Variants in STON1 observed in about 807,000 individuals in gnomAD.
STON1 encodes the protein stonin-1.
STON1 carries 79 observed loss-of-function variants against 60.9 expected under a neutral mutation model. The ratio of observed to expected loss-of-function variants is 1.30; its 90% CI spans 1.08 to 1.56. The LOEUF is 1.56. Ranked by LOEUF, STON1 falls within the 40% of genes most tolerant of loss-of-function variation. The probability of loss-of-function intolerance (pLI) is 0.00; values close to 1 mark genes in which losing one functional copy is unlikely to be tolerated. For missense variants in STON1, 1,166 were observed against 858.9 expected (o/e 1.36, Z -4.47); for synonymous variants, 363 against 306.9 (o/e 1.18, Z -1.91).
intron 2 of STON1, among the ~76,000 whole-genome samples, chr2:48,586,522 G>A (rs895635603): frequency 6.6e-6 from 1 of 152,190 alleles, no homozygotes. Flanking sequence ...GGAGGGCTTC[G>A]CTGAAGAGCT....
intron 1 of STON1, among the ~76,000 whole-genome samples, chr2:48,539,724 C>T (rs984665737): frequency 6.6e-6 from 1 of 152,100 alleles, no homozygotes; most frequent in East Asian, 1.9e-4. Flanking sequence ...CAATGGGCCT[C>T]AGCTTTCTAA....
chr2:48,586,541 G>C (rs1014514834), intron 2 of STON1, among the ~76,000 whole-genome samples: 1 of 152,186 alleles, frequency 6.6e-6, no homozygotes, highest in African/African-American at 2.4e-5. Context: ...CTGATGGCTG[G>C]GAGAGTCAAT....
At chr2:48,573,254 T>G (rs1558619703) in intron 1 of STON1, among the ~76,000 whole-genome samples, 1 of 152,284 alleles carries the variant, frequency 6.6e-6, no homozygotes, top group East Asian at 1.9e-4. Flanking sequence ...TCCCAGCTAC[T>G]TGGGAGGCTG....
intron 1 of STON1, among the ~76,000 whole-genome samples, chr2:48,554,502 C>T (rs1381716691): frequency 1.3e-5 from 2 of 152,154 alleles, no homozygotes; most frequent in African/African-American, 4.8e-5. Context: ...GGATTACAGG[C>T]GTGAGCCATT....
At chr2:48,535,851 C>T (rs559898510) in intron 1 of STON1, among the ~76,000 whole-genome samples, 1 of 152,280 alleles carries the variant, frequency 6.6e-6, no homozygotes, top group East Asian at 1.9e-4. Flanking sequence ...CTTTGGGAGG[C>T]TGAGGCGGGC....
rs756036908 is a variant in STON1 at position 48,581,425 on chromosome 2, C to T, written c.792C>T (p.Pro264=). The change falls in exon 2 of 4, where the codon CCC becomes CCT. Residue 264 remains proline, a synonymous_variant. Coordinates refer to ENST00000404752, the MANE Select transcript of STON1 (RefSeq NM_006873.4). ...CAEENASSFV[P]HTLFRSQPKS... ...AAGAAAATGCCTCTTCCTTTGTCCC[C>T]CACACACTCTTCAGGAGTCAGCCAA... The T allele has an allele frequency of 6.2e-7, 1 of 1,613,668 alleles. No individual in the cohort carries two copies. Among genetic ancestry groups the T allele is most frequent in the Non-Finnish European group, 8.5e-7 (1 of 1,179,648 alleles).
At position 48,596,490 on chromosome 2, in the gene STON1, A is replaced by G. The variant is rs1674785806; in HGVS notation, c.*1188A>G. 1 of 152,204 alleles carries G rather than the reference A, an allele frequency of 6.6e-6. No individual in the cohort carries two copies. Among genetic ancestry groups the G allele is most frequent in the African/African-American group, 2.4e-5 (1 of 41,462 alleles). 9.4% of individuals were successfully genotyped at this position (152,204 alleles called of 1,614,324 possible). A position where few individuals can be genotyped will look rare whatever the true frequency, so the allele number is the denominator to read the frequency against. On this transcript the variant is annotated 3_prime_UTR_variant, in exon 4 of 4. Coordinates refer to ENST00000404752, the MANE Select transcript of STON1 (RefSeq NM_006873.4). ...AATTTATGAAATCTATATTCCAGGT[A>G]TTGTTTTTAGTCTGAAAAACAAACT...
At chr2:48,577,736 C>T (rs547303347) in intron 1 of STON1, among the ~76,000 whole-genome samples, 44 of 150,916 alleles carry the variant, frequency 2.9e-4, no homozygotes, top group African/African-American at 1.0e-3. Context: ...CTGCCTCAGC[C>T]TCCTGAGTAG....
At position 48,586,733 on chromosome 2, in the gene STON1, G is replaced by T. The variant is rs527277184; in HGVS notation, c.1930+4170G>T. On this transcript the variant is annotated intron_variant, in intron 2 of 3. Transcript: ENST00000404752. ...CCTCGGGGTTGTTTTCGGCATGACT[G>T]CTACAGAATCATATCTTGTTTCAGA... Among the ~76,000 whole-genome samples, 658 of 152,112 alleles carry T rather than the reference G, an allele frequency of 4.3e-3. 10 individuals carry two copies. The highest frequency in any genetic ancestry group is 0.015 in the African/African-American group (633 of 41,484).
chr2:48,551,776 T>G (rs1163359985), intron 1 of STON1, among the ~76,000 whole-genome samples: 8 of 152,220 alleles, frequency 5.3e-5, no homozygotes, highest in Admixed American at 5.2e-4. Flanking sequence ...TTGATTGGAC[T>G]CCAGGCCCTC....
At chr2:48,561,245 T>C (rs1238510430) in intron 1 of STON1, among the ~76,000 whole-genome samples, 1 of 152,230 alleles carries the variant, frequency 6.6e-6, no homozygotes, top group African/African-American at 2.4e-5. Context: ...GTCCTGTCTC[T>C]CCTGTGGCTC....
intron 2 of STON1, 38 bp from the exon 3 acceptor site, chr2:48,591,615 T>C (rs750903162): frequency 2.5e-6 from 4 of 1,606,116 alleles, no homozygotes; most frequent in Non-Finnish European, 3.4e-6. Context: ...TCAATGGCCA[T>C]TAAAATACTT....
chr2:48,568,214 C>G (rs1183047995), intron 1 of STON1, among the ~76,000 whole-genome samples: 1 of 152,144 alleles, frequency 6.6e-6, no homozygotes, highest in Admixed American at 6.5e-5. Context: ...TCCTTGGCAT[C>G]AGTCCTCCCC....
intron 1 of STON1, among the ~76,000 whole-genome samples, chr2:48,551,879 C>T (rs1672121361): frequency 6.6e-6 from 1 of 152,196 alleles, no homozygotes. Context: ...GAGGAGACAC[C>T]CAGCCCACTG....
intron 1 of STON1, among the ~76,000 whole-genome samples, chr2:48,554,983 C>T (rs1255170629): frequency 1.8e-5 from 1 of 56,738 alleles, no homozygotes; most frequent in African/African-American, 7.1e-5. Flanking sequence ...CTTGCACCGC[C>T]CTTAATCCAT....
intron 1 of STON1, among the ~76,000 whole-genome samples, chr2:48,579,251 C>G (rs948888944): frequency 1.3e-5 from 2 of 151,808 alleles, no homozygotes; most frequent in Admixed American, 1.3e-4. Flanking sequence ...GTGATCTGCT[C>G]TCCTCAGCCT....
intron 1 of STON1, among the ~76,000 whole-genome samples, chr2:48,546,910 C>G (rs1174563681): frequency 6.6e-6 from 1 of 152,150 alleles, no homozygotes; most frequent in Non-Finnish European, 1.5e-5. Context: ...ATTGCATGAA[C>G]ACACACCAAG....
chr2:48,557,857 T>C (rs1295543431), intron 1 of STON1, among the ~76,000 whole-genome samples: 2 of 152,234 alleles, frequency 1.3e-5, no homozygotes, highest in African/African-American at 4.8e-5. Context: ...AAGTTTGCTT[T>C]TGAGACTAAG....
chr2:48,564,490 TTCTTCTTC>T (rs1672797937), intron 1 of STON1, among the ~76,000 whole-genome samples: 32 of 21,542 alleles, frequency 1.5e-3, no homozygotes, highest in African/African-American at 4.8e-3. Context: ...TTTCTTCTTC[TTCTTCTTC>T]TTCTTCTTCT....
Sources: gnomAD v4.1 joint callset for allele counts (sites outside exome capture counted in the v4.1 genomes callset) on GRCh38, gnomAD v4.1.1 for gene constraint, MANE v1.5 for transcripts, NCBI Gene and HGNC (gene_info 2026-07-23, HGNC 2026-07-21) for gene names.